Variants in XPO7 observed in about 807,000 individuals in gnomAD.
XPO7 encodes the protein exportin-7.
XPO7 carries 21 observed loss-of-function variants against 144.3 expected under a neutral mutation model. The ratio of observed to expected loss-of-function variants is 0.15; its 90% confidence interval spans 0.10 to 0.21. XPO7 has a LOEUF of 0.21. Among genes scored for constraint, XPO7 ranks in the 10% least tolerant of loss-of-function variants. XPO7 has a pLI of 1.00. For synonymous variants in XPO7, 580 were observed against 499.6 expected, an observed-to-expected ratio of 1.16 and a Z score of -2.15; for missense variants, 808 against 1,325.8, an observed-to-expected ratio of 0.61 and a Z score of 6.06.
chr8:22,004,943 A>T, intron 27 of XPO7, 52 bp from the exon 28 acceptor site: 2 of 897,266 alleles, frequency 2.2e-6, no homozygotes, highest in Non-Finnish European at 1.6e-6. Context: ...AAAAAGGCAA[A>T]TACCTTTCCC....
At chr8:21,971,402 T>A (rs762009870) in intron 4 of XPO7, among the ~76,000 whole-genome samples, 1 of 152,218 alleles carries the variant, frequency 6.6e-6, no homozygotes, top group Non-Finnish European at 1.5e-5. Flanking sequence ...AAAAAATTGG[T>A]ATCTTATTGT....
rs1813314493 is a variant in XPO7 at position 22,005,889 on chromosome 8, A to AC, written c.*801_*802insC. On this transcript the variant is annotated 3_prime_UTR_variant, in exon 28 of 28. Coordinates refer to ENST00000252512, the MANE Select transcript of XPO7 (RefSeq NM_015024.5). ...TCCTACTTTGCTTACCCTCATCCTC[A>AC]GACAGATGCCTCTTGCTTTTAAAAG... 2 of 152,198 alleles carry AC rather than the reference A, an allele frequency of 1.3e-5. No individual in the cohort carries two copies. The highest frequency in any genetic ancestry group is 1.3e-4 in the Admixed American group (2 of 15,272). 9.4% of individuals were successfully genotyped at this position (152,198 alleles called of 1,614,324 possible).
chr8:21,970,194 G>A lies in XPO7; in HGVS notation c.310G>A (p.Val104Met). The A allele has an allele frequency of 6.2e-7, 1 of 1,613,468 alleles. No individual in the cohort carries two copies. The highest frequency in any genetic ancestry group is 8.5e-7 in the Non-Finnish European group (1 of 1,179,718). ...CACTCGGCCGAAGTTGGCTACTTTC[G>A]TGACACAAGCACTTATTCAGTTATA... ...LATRPKLATF[V>M]TQALIQLYAR... The change falls in exon 4 of 28, where the codon GTG becomes ATG. Residue 104 changes from valine (V) to methionine (M), a missense_variant. Physicochemically the swap from Val to Met is conservative, Grantham distance 21. Around this residue, in one of 5 missense-constraint regions of XPO7, gnomAD observed 223 missense variants for 368.8 expected, o/e 0.60. Coordinates refer to ENST00000252512, the MANE Select transcript of XPO7 (RefSeq NM_015024.5).
intron 1 of XPO7, among the ~76,000 whole-genome samples, chr8:21,937,392 C>G (rs968424777): frequency 6.6e-6 from 1 of 152,196 alleles, no homozygotes; most frequent in African/African-American, 2.4e-5. Flanking sequence ...GATTAAACCT[C>G]TTAGTACGCA....
At chr8:21,991,081 G>A (rs951317419) in intron 18 of XPO7, among the ~76,000 whole-genome samples, 162 bp downstream of exon 18, 2 of 152,194 alleles carry the variant, frequency 1.3e-5, no homozygotes, top group Non-Finnish European at 2.9e-5. Flanking sequence ...AGATCATGCT[G>A]TCGAGGTCCT....
At chr8:21,967,532 C>T (rs1811923796) in intron 2 of XPO7, among the ~76,000 whole-genome samples, 2 of 151,996 alleles carry the variant, frequency 1.3e-5, no homozygotes, top group South Asian at 2.1e-4. Flanking sequence ...GGGGTTTCTC[C>T]GTGTTGGTCA....
rs1004471166 is a variant in XPO7, at chr8:21,925,394, A to G, written c.18+5606A>G. ...GGAAACTTCATGCTAGCATTAATTG[A>G]TATCATTTAATGCTCACCGCAGCAA... On this transcript the variant is annotated intron_variant, in intron 1 of 27. Transcript: ENST00000252512. Among the ~76,000 whole-genome samples the G allele has an allele frequency of 3.3e-4, 50 of 152,338 alleles. 1 individual carries two copies. Among genetic ancestry groups the G allele is most frequent in the Admixed American group, 3.3e-4 (5 of 15,296 alleles).
At chr8:21,967,641 AC>A in intron 2 of XPO7, among the ~76,000 whole-genome samples, 1 of 152,082 alleles carries the variant, frequency 6.6e-6, no homozygotes. Flanking sequence ...CCAATAAATG[AC>A]CTTTTTAATC....
chr8:21,975,770 G>A (rs193194747), intron 6 of XPO7, among the ~76,000 whole-genome samples: 1 of 152,350 alleles, frequency 6.6e-6, no homozygotes, highest in African/African-American at 2.4e-5. Context: ...TAGCCAGCCA[G>A]TCACGGAGGC....
rs1282421850 is a variant in XPO7 at position 22,003,971 on chromosome 8, G to T, written c.3111G>T (p.Leu1037=). 2 of 1,613,922 alleles carry T rather than the reference G, an allele frequency of 1.2e-6. No individual in the cohort carries two copies. The highest frequency in any genetic ancestry group is 3.3e-5 in the Admixed American group (2 of 60,008). ...QPPEKQQAMH[L]CFENLMEGIE... is the part of the protein sequence containing the mutation. ...CGGAGAAGCAGCAGGCCATGCACCTGTGTTTTGAGAACCTGATGGAAGGCA... is the reference window on the plus strand; with the variant it reads ...CGGAGAAGCAGCAGGCCATGCACCTTTGTTTTGAGAACCTGATGGAAGGCA... Residue 1037 remains leucine (L), a synonymous_variant, in exon 27 of 28, where the codon CTG becomes CTT. Transcript: ENST00000252512.
intron 1 of XPO7, among the ~76,000 whole-genome samples, chr8:21,949,637 T>C (rs965639716): frequency 1.1e-4 from 17 of 152,234 alleles, no homozygotes; most frequent in African/African-American, 3.9e-4. Flanking sequence ...CATGACTTTC[T>C]TTCCCCCATA....
chr8:21,973,626 C>A (rs1462092978), intron 5 of XPO7, among the ~76,000 whole-genome samples: 1 of 152,168 alleles, frequency 6.6e-6, no homozygotes, highest in Non-Finnish European at 1.5e-5. Flanking sequence ...ATCTTGCTGC[C>A]TTACACTTTA....
intron 1 of XPO7, among the ~76,000 whole-genome samples, chr8:21,959,797 T>C (rs773028219): frequency 6.6e-6 from 1 of 152,184 alleles, no homozygotes; most frequent in Non-Finnish European, 1.5e-5. Context: ...AAAAATCATG[T>C]AACAAAATGC....
At chr8:21,966,699 A>G (rs1471521402) in intron 1 of XPO7, among the ~76,000 whole-genome samples, 158 bp from the exon 2 acceptor site, 1 of 152,256 alleles carries the variant, frequency 6.6e-6, no homozygotes. Flanking sequence ...AAAGAGACCT[A>G]TAAATGGTTA....
intron 1 of XPO7, among the ~76,000 whole-genome samples, chr8:21,935,037 C>G (rs1810776842): frequency 6.6e-6 from 1 of 151,868 alleles, no homozygotes; most frequent in Admixed American, 6.6e-5. Context: ...AAATGATAAA[C>G]TAAAGTAAGG....
intron 1 of XPO7, among the ~76,000 whole-genome samples, chr8:21,929,720 C>T (rs1810581894): frequency 6.6e-6 from 1 of 151,814 alleles, no homozygotes; most frequent in African/African-American, 2.4e-5. Flanking sequence ...CAGAAATATT[C>T]TAAGTTGAAA....
rs371248602 is a variant in XPO7 at position 21,944,498 on chromosome 8, C to T, written c.19-22359C>T. Among the ~76,000 whole-genome samples, 39 of 152,066 alleles carry T rather than the reference C, an allele frequency of 2.6e-4. 3 individuals are homozygous for T. The highest frequency in any genetic ancestry group is 2.0e-3 in the Admixed American group (30 of 15,274). On this transcript the variant is annotated intron_variant, in intron 1 of 27. Coordinates refer to ENST00000252512, the MANE Select transcript of XPO7 (RefSeq NM_015024.5). ...TGGAGAATCACTTGAACCCAGGAGG[C>T]GGAGGCTGCAGTGAGCTGAGACCAC...
chr8:21,945,421 C>A (rs1345851977), intron 1 of XPO7, among the ~76,000 whole-genome samples: 1 of 152,196 alleles, frequency 6.6e-6, no homozygotes, highest in Non-Finnish European at 1.5e-5. Context: ...TTCTCCAAAT[C>A]TGACAAGATA....
intron 1 of XPO7, 118 bp from the exon 2 acceptor site, chr8:21,966,739 G>A (rs1443310519): frequency 3.5e-6 from 5 of 1,412,310 alleles, no homozygotes; most frequent in Non-Finnish European, 4.7e-6. Flanking sequence ...GTTCTCCTCA[G>A]TTCAGAAGCA....
Sources: gnomAD v4.1 joint callset for allele counts (sites outside exome capture counted in the v4.1 genomes callset) on GRCh38, gnomAD v4.1.1 for gene constraint, gnomAD v4.1.1 regional missense constraint, MANE v1.5 for transcripts, NCBI Gene and HGNC (gene_info 2026-07-23, HGNC 2026-07-21) for gene names.